FEZ2: variants seen among roughly 807,000 people sequenced by gnomAD.
FEZ2 encodes the protein fasciculation and elongation protein zeta 2.
FEZ2 carries 51 observed loss-of-function variants against 40.4 expected under a neutral mutation model. The ratio of observed to expected loss-of-function variants is 1.26; its 90% CI spans 1.01 to 1.59. The LOEUF is 1.59. Among genes scored for constraint, FEZ2 ranks in the 40% most tolerant of loss-of-function variants. The probability of loss-of-function intolerance (pLI) is 0.00; values close to 1 mark genes in which losing one functional copy is unlikely to be tolerated. For missense variants in FEZ2, 640 were observed against 438.3 expected (o/e 1.46, Z -4.11); for synonymous variants, 242 against 172.0 (o/e 1.41, Z -3.18).
At chr2:36,566,774 G>T (rs1321530424) in intron 5 of FEZ2, among the ~76,000 whole-genome samples, 1 of 152,210 alleles carries the variant, frequency 6.6e-6, no homozygotes, top group Non-Finnish European at 1.5e-5. Context: ...CTAATTGTGT[G>T]ACAGGAGGGC....
chr2:36,579,779 G>C (rs540550673), intron 4 of FEZ2, among the ~76,000 whole-genome samples: 1 of 152,282 alleles, frequency 6.6e-6, no homozygotes, highest in East Asian at 1.9e-4. Context: ...AGACAAAAGG[G>C]AACAATATTC....
rs376041473 is a variant in FEZ2, at chr2:36,596,769, T to C, written c.266+1108A>G. On this transcript the variant is annotated intron_variant, in intron 1 of 7. Coordinates refer to ENST00000405912, the MANE Select transcript of FEZ2 (RefSeq NM_005102.3). ...AGGTGTGAGCCACCGCGCCCAATCT[T>C]ATTCCACTCATTTTACCTTCAGCCT... Among the ~76,000 whole-genome samples, 32 of 152,244 alleles carry C rather than the reference T, an allele frequency of 2.1e-4. No individual in the cohort carries two copies. The South Asian group carries it at 6.6e-3, about 32-fold the overall frequency.
Position 36,591,142 on chromosome 2 carries a change from G to A in FEZ2, c.267-131C>T, listed in dbSNP as rs144123504. 2.0e-3 allele frequency: 1,272 copies of A among 649,178 alleles called. 23 individuals carry two copies. The African/African-American group carries it at 0.021, about 11-fold the overall frequency. The allele number at this position is 649,178 out of a possible 1,614,324, so 40.2% of individuals were successfully genotyped here. On this transcript the variant is annotated intron_variant, in intron 1 of 7. Transcript: ENST00000405912. ...AAAACAGACAGCACATTGTTTCTCA[G>A]AAAAACATCAACAAAGTAGAGTCTC... is the stretch of plus-strand genomic sequence containing the variant.
chr2:36,593,622 G>A (rs538585714), intron 1 of FEZ2, among the ~76,000 whole-genome samples: 1 of 152,166 alleles, frequency 6.6e-6, no homozygotes, highest in Non-Finnish European at 1.5e-5. Context: ...TGGTACACAG[G>A]GCACCAAGTC....
At chr2:36,588,781 T>C (rs968542709) in intron 2 of FEZ2, among the ~76,000 whole-genome samples, 9 of 152,152 alleles carry the variant, frequency 5.9e-5, no homozygotes, top group Non-Finnish European at 1.0e-4. Context: ...TTGTGGGGTT[T>C]TTTTTTCAAG....
At chr2:36,560,819 C>T (rs369596428) in intron 5 of FEZ2, 12 of 1,611,218 alleles carry the variant, frequency 7.4e-6, no homozygotes, top group East Asian at 2.2e-5. Context: ...AAAGGTGTGG[C>T]GGAGGCCATT....
intron 1 of FEZ2, among the ~76,000 whole-genome samples, chr2:36,596,372 C>T (rs747942584): frequency 1.3e-5 from 2 of 152,194 alleles, no homozygotes; most frequent in African/African-American, 2.4e-5. Flanking sequence ...TTTCCGTGCC[C>T]GTGACTCCTG....
At chr2:36,574,224 A>C (rs1668499210) in intron 5 of FEZ2, among the ~76,000 whole-genome samples, 1 of 152,234 alleles carries the variant, frequency 6.6e-6, no homozygotes. Flanking sequence ...GTCTGTATGT[A>C]GGACGAAGAT....
At chr2:36,595,656 C>T (rs1380145035) in intron 1 of FEZ2, among the ~76,000 whole-genome samples, 1 of 152,104 alleles carries the variant, frequency 6.6e-6, no homozygotes, top group African/African-American at 2.4e-5. Flanking sequence ...CTGAGTAAAA[C>T]AATTATCAAT....
At chr2:36,554,875 GAGA>G (rs1248640939) in intron 7 of FEZ2, among the ~76,000 whole-genome samples, 1 of 152,172 alleles carries the variant, frequency 6.6e-6, no homozygotes, top group East Asian at 1.9e-4. Flanking sequence ...AGAGAACCCA[GAGA>G]AGAAGACTGT....
At position 36,553,646 on chromosome 2, in the gene FEZ2, G is replaced by A. The variant is rs3770810; in HGVS notation, c.1046-467C>T. On this transcript the variant is annotated intron_variant, in intron 7 of 7. Transcript: ENST00000405912. ...TGCAGTGGGGTCATTAGGCAGGTGCGAGAAAGAGAAGCTCAATTAGCCCAT... is the reference window on the plus strand; with the variant it reads ...TGCAGTGGGGTCATTAGGCAGGTGCAAGAAAGAGAAGCTCAATTAGCCCAT... Among the ~76,000 whole-genome samples the A allele has an allele frequency of 2.5e-3, 385 of 152,254 alleles. 8 individuals carry two copies. The East Asian group carries it at 0.034, about 14-fold the overall frequency.
At position 36,576,513 on chromosome 2, in the gene FEZ2, C is replaced by T. The variant is rs1288793467; in HGVS notation, c.903+2084G>A. On this transcript the variant is annotated intron_variant, in intron 5 of 7. Coordinates refer to ENST00000405912, the MANE Select transcript of FEZ2 (RefSeq NM_005102.3). ...CTTGAACTCCTGACGTCAGGTGATCCGCCCACCTTGGCCTCCCAAAGTGCT... is the reference window on the plus strand; with the variant it reads ...CTTGAACTCCTGACGTCAGGTGATCTGCCCACCTTGGCCTCCCAAAGTGCT... Among the ~76,000 whole-genome samples, 4 of 152,264 alleles carry T rather than the reference C, an allele frequency of 2.6e-5. No individual in the cohort carries two copies. The South Asian group carries it at 6.2e-4, about 24-fold the overall frequency.
chr2:36,592,581 G>A (rs1190398123), intron 1 of FEZ2, among the ~76,000 whole-genome samples: 1 of 150,502 alleles, frequency 6.6e-6, no homozygotes, highest in Non-Finnish European at 1.5e-5. Flanking sequence ...CAAAGTGGGA[G>A]GATTGCTTGA....
chr2:36,597,741 G>A lies in FEZ2; in HGVS notation c.266+136C>T, dbSNP rs1261835826. The A allele has an allele frequency of 1.6e-5, 10 of 609,666 alleles. No homozygotes were observed. The Admixed American group carries it at 3.1e-4, about 19-fold the overall frequency. The allele number at this position is 609,666 out of a possible 1,614,324, so 37.8% of individuals were successfully genotyped here. On this transcript the variant is annotated intron_variant, in intron 1 of 7. Coordinates refer to ENST00000405912, the MANE Select transcript of FEZ2 (RefSeq NM_005102.3). The stretch of plus-strand genomic sequence containing the variant: ...GGCGAGCCGAGGCCGACGGCCGGAG[G>A]AAGGAGGCGAGAGGGCGGGGACTCC...
chr2:36,591,364 T>C (rs567823599), intron 1 of FEZ2: 1 of 189,468 alleles, frequency 5.3e-6, no homozygotes, highest in South Asian at 1.2e-4. Flanking sequence ...GAACCATTAT[T>C]AACCTCATTT....
intron 5 of FEZ2, among the ~76,000 whole-genome samples, chr2:36,564,494 G>T (rs1176656029): frequency 3.3e-5 from 5 of 151,990 alleles, no homozygotes; most frequent in African/African-American, 1.2e-4. Context: ...CCACCCTCCT[G>T]ACCTTACATT....
intron 5 of FEZ2, among the ~76,000 whole-genome samples, chr2:36,575,195 T>C (rs533819905): frequency 1.3e-5 from 2 of 152,152 alleles, no homozygotes; most frequent in African/African-American, 4.8e-5. Context: ...TTCACCACTG[T>C]GGTTTTTCTG....
chr2:36,580,935 T>C (rs1347218644), intron 4 of FEZ2, among the ~76,000 whole-genome samples: 1 of 152,090 alleles, frequency 6.6e-6, no homozygotes, highest in Non-Finnish European at 1.5e-5. Flanking sequence ...GGGCGGATCA[T>C]GAGGTCAGGA....
Position 36,597,921 on chromosome 2 carries a change from C to A in FEZ2, c.222G>T (p.Thr74=), listed in dbSNP as rs1316636410. 4.1e-5 allele frequency: 58 copies of A among 1,426,214 alleles called. No individual in the cohort carries two copies. Among genetic ancestry groups the A allele is most frequent in the Non-Finnish European group, 5.3e-5 (58 of 1,097,740 alleles). 88.3% of individuals were successfully genotyped at this position (1,426,214 alleles called of 1,614,324 possible). ...TGCGCTCCGTGATGGGCCGCACGGC[C>A]GTCCTCGGGGGCTCGGCGCCCGGAT... The part of the protein sequence containing the change: ...PSDPGAEPPR[T]AVRPITERSL... Residue 74 remains threonine, a synonymous_variant, in exon 1 of 8, where the codon ACG becomes ACT. Transcript: ENST00000405912.
Sources: allele counts gnomAD v4.1 joint callset (sites outside exome capture counted in the v4.1 genomes callset), GRCh38; gene constraint gnomAD v4.1.1; transcripts MANE v1.5; gene names NCBI Gene and HGNC (gene_info 2026-07-23, HGNC 2026-07-21).